TAOK3: variants seen among roughly 807,000 people sequenced by gnomAD.
The protein encoded by TAOK3 is TAO kinase 3, also known as serine/threonine-protein kinase TAO3.
A neutral mutation model predicts 120.4 loss-of-function variants in TAOK3; 40 were observed. That is an observed-to-expected ratio of 0.33 (90% confidence interval 0.26 to 0.43). The LOEUF (loss-of-function observed/expected upper bound fraction) is 0.43. Among genes scored for constraint, TAOK3 ranks in the 20% least tolerant of loss-of-function variants. The pLI is 1.00. For synonymous variants in TAOK3, 355 were observed against 387.5 expected (o/e 0.92, Z 0.99); for missense variants, 821 against 1,112.1 (o/e 0.74, Z 3.72).
At chr12:118,237,147 C>T (rs1453103750) in intron 7 of TAOK3, among the ~76,000 whole-genome samples, 1 of 152,136 alleles carries the variant, frequency 6.6e-6, no homozygotes, top group Non-Finnish European at 1.5e-5. Context: ...AGCAGGATTT[C>T]GGTCTGCCTA....
Position 118,199,444 on chromosome 12 carries a change from C to T in TAOK3, c.988-187G>A, listed in dbSNP as rs2037913871. ...TTTTCATACATCTCATATTTGCTTC[C>T]TATGCCTTCCCCAGGGGCCATTCTG... On this transcript the variant is annotated intron_variant, in intron 12 of 20. Transcript: ENST00000392533. 8.2e-6 allele frequency: 5 copies of T among 607,430 alleles called. No individual in the cohort carries two copies. The South Asian group carries it at 9.7e-5, about 12-fold the overall frequency. The allele number at this position is 607,430 out of a possible 1,614,324, so 37.6% of individuals were successfully genotyped here.
chr12:118,186,047 A>T (rs2037054755), intron 14 of TAOK3, among the ~76,000 whole-genome samples: 1 of 152,240 alleles, frequency 6.6e-6, no homozygotes, highest in African/African-American at 2.4e-5. Flanking sequence ...TATCAAATTC[A>T]TTCACGTATC....
intron 1 of TAOK3, among the ~76,000 whole-genome samples, chr12:118,343,430 A>G (rs1394653086): frequency 2.0e-5 from 3 of 150,646 alleles, no homozygotes; most frequent in African/African-American, 7.3e-5. Flanking sequence ...CTGTCTCAAA[A>G]AAAAAAAAAA....
intron 1 of TAOK3, among the ~76,000 whole-genome samples, chr12:118,275,929 G>C (rs1287033709): frequency 2.0e-5 from 3 of 152,158 alleles, no homozygotes; most frequent in Admixed American, 6.6e-5. Flanking sequence ...TACAGGCGAG[G>C]GAATAGCAAG....
chr12:118,279,485 G>A (rs997848111), intron 1 of TAOK3, among the ~76,000 whole-genome samples: 7 of 150,474 alleles, frequency 4.7e-5, no homozygotes, highest in East Asian at 1.9e-4. Context: ...TGTAATCTTC[G>A]CCAGGTCCTA....
At chr12:118,228,064 A>C (rs1363358308) in intron 9 of TAOK3, among the ~76,000 whole-genome samples, 2 of 151,978 alleles carry the variant, frequency 1.3e-5, no homozygotes, top group African/African-American at 4.8e-5. Context: ...AAGTAGATAC[A>C]GCTCTATTTG....
intron 11 of TAOK3, among the ~76,000 whole-genome samples, chr12:118,209,721 T>TTC (rs1261140274): frequency 6.7e-6 from 1 of 149,934 alleles, no homozygotes; most frequent in East Asian, 2.0e-4. Context: ...CTTCTTCTTT[T>TTC]TTTTTTTTTG....
At chr12:118,351,497 G>C (rs954839328) in intron 1 of TAOK3, among the ~76,000 whole-genome samples, 1 of 152,074 alleles carries the variant, frequency 6.6e-6, no homozygotes, top group Non-Finnish European at 1.5e-5. Context: ...CAAACTCAAA[G>C]CATTAACTAG....
chr12:118,329,856 G>T (rs190477285), intron 1 of TAOK3, among the ~76,000 whole-genome samples: 5 of 152,102 alleles, frequency 3.3e-5, no homozygotes, highest in African/African-American at 1.2e-4. Flanking sequence ...AGCCACTTCC[G>T]CCAGGACTCA....
At chr12:118,190,156 T>C (rs1384946129) in intron 13 of TAOK3, 9 of 535,176 alleles carry the variant, frequency 1.7e-5, no homozygotes, top group Non-Finnish European at 2.6e-5. Context: ...GGATGCCTTC[T>C]GAATCCCTGG....
chr12:118,302,254 G>A (rs974251883), intron 1 of TAOK3, among the ~76,000 whole-genome samples: 4 of 152,180 alleles, frequency 2.6e-5, no homozygotes, highest in African/African-American at 7.2e-5. Context: ...GCTGGCAAGA[G>A]GGAAAATTAG....
At chr12:118,333,440 A>T (rs2044233390) in intron 1 of TAOK3, among the ~76,000 whole-genome samples, 1 of 152,206 alleles carries the variant, frequency 6.6e-6, no homozygotes, top group African/African-American at 2.4e-5. Flanking sequence ...TCTGAATGGA[A>T]GTGAAAATAC....
intron 1 of TAOK3, among the ~76,000 whole-genome samples, chr12:118,292,551 C>G (rs956043449): frequency 2.6e-5 from 4 of 152,114 alleles, no homozygotes; most frequent in Non-Finnish European, 2.9e-5. Context: ...TATTCCTGAT[C>G]TCTTATTACA....
intron 1 of TAOK3, among the ~76,000 whole-genome samples, chr12:118,357,321 GTT>G (rs933418747): frequency 3.3e-5 from 5 of 152,156 alleles, no homozygotes; most frequent in African/African-American, 1.2e-4. Context: ...ACATCCTTAC[GTT>G]TTTAACTCAG....
intron 11 of TAOK3, among the ~76,000 whole-genome samples, chr12:118,206,597 TTTTTTA>T (rs886929000): frequency 1.3e-5 from 2 of 152,108 alleles, no homozygotes; most frequent in African/African-American, 4.8e-5. Flanking sequence ...CTCATTGTTT[TTTTTTA>T]TTTTTATTTT....
At chr12:118,233,293 C>G (rs2039868184) in intron 9 of TAOK3, among the ~76,000 whole-genome samples, 1 of 150,986 alleles carries the variant, frequency 6.6e-6, no homozygotes, top group East Asian at 1.9e-4. Flanking sequence ...AGGAGATATA[C>G]CTAATGTTAA....
At chr12:118,247,757 C>T (rs952743630) in intron 3 of TAOK3, among the ~76,000 whole-genome samples, 10 of 152,138 alleles carry the variant, frequency 6.6e-5, no homozygotes, top group Admixed American at 1.3e-4. Flanking sequence ...TCAAGTAATC[C>T]GCCCGCATCA....
At chr12:118,199,312 C>A in intron 12 of TAOK3, 55 bp from the exon 13 acceptor site, 2 of 1,407,840 alleles carry the variant, frequency 1.4e-6, no homozygotes, top group Non-Finnish European at 2.0e-6. Context: ...AAGAGTCAAT[C>A]CATTGACAAA....
intron 1 of TAOK3, among the ~76,000 whole-genome samples, chr12:118,291,822 A>T (rs940527108): frequency 2.1e-4 from 32 of 150,726 alleles, no homozygotes; most frequent in Non-Finnish European, 3.7e-4. Context: ...ATGAAAAAAA[A>T]TTTTTTTTTT....
Sources: gnomAD v4.1 joint callset for allele counts (sites outside exome capture counted in the v4.1 genomes callset) on GRCh38, gnomAD v4.1.1 for gene constraint, MANE v1.5 for transcripts, NCBI Gene and HGNC (gene_info 2026-07-23, HGNC 2026-07-21) for gene names.